RNF123: variants seen among roughly 807,000 people sequenced by gnomAD.
RNF123 encodes E3 ubiquitin-protein ligase RNF123.
A neutral mutation model predicts 168.5 loss-of-function variants in RNF123; 86 were observed. The ratio of observed to expected loss-of-function variants is 0.51; its 90% CI spans 0.43 to 0.61. RNF123 has a LOEUF of 0.61. RNF123 is among the 20% of genes least tolerant of loss of function. RNF123 has a pLI of 0.00. For missense variants in RNF123, 1,419 were observed against 1,729.7 expected, an observed-to-expected ratio of 0.82 and a Z score of 3.19; for synonymous variants, 666 against 689.1, an observed-to-expected ratio of 0.97 and a Z score of 0.52.
rs1279347201 is a variant in RNF123 at position 49,702,654 on chromosome 3, C to G, written c.1651C>G (p.Pro551Ala). 1.9e-6 allele frequency: 3 copies of G among 1,614,230 alleles called. No individual in the cohort carries two copies. The highest frequency in any genetic ancestry group is 2.5e-6 in the Non-Finnish European group (3 of 1,180,032). The change falls in exon 20 of 39, where the codon CCT becomes GCT. Residue 551 changes from proline (P) to alanine (A), a missense_variant. Coordinates refer to ENST00000327697, the MANE Select transcript of RNF123 (RefSeq NM_022064.5). ...GRGNMPMLCPPEYMVCFLHRL... is the reference protein window; with the variant it reads ...GRGNMPMLCPAEYMVCFLHRL... ...ACAGAACATGCCCATGCTCTGCCCC[C>G]CTGAGTACATGGTCTGCTTCTTACA...
In RNF123 at chr3:49,701,889, C is replaced by T. The variant is rs199544911; in HGVS notation, c.1474C>T (p.Arg492Trp). The change falls in exon 17 of 39, where the codon CGG becomes TGG. Residue 492 changes from arginine to tryptophan, a missense_variant. By Grantham distance (101) the Arg-to-Trp change is moderately radical (BLOSUM62 -3). This residue lies in a region of RNF123 where 349 missense variants were observed against 344.9 expected (regional missense o/e 1.01). Coordinates refer to ENST00000327697, the MANE Select transcript of RNF123 (RefSeq NM_022064.5). ...RRRAYERGCQRLRKRIEVVEE... is the reference protein window; with the variant it reads ...RRRAYERGCQWLRKRIEVVEE... ...GCGAGCCTACGAACGGGGCTGTCAGCGGCTCAGGAAGCGCATCGAAGGTCA... is the reference window on the plus strand; with the variant it reads ...GCGAGCCTACGAACGGGGCTGTCAGTGGCTCAGGAAGCGCATCGAAGGTCA... 53 of 1,563,350 alleles carry T rather than the reference C, an allele frequency of 3.4e-5. 1 individual carries two copies. In the South Asian group the frequency reaches 4.4e-4, roughly 13 times the overall value.
chr3:49,701,877 C>G lies in RNF123; in HGVS notation c.1462C>G (p.Arg488Gly), dbSNP rs780072848. ...GCGGCTGCGGCGGCGAGCCTACGAACGGGGCTGTCAGCGGCTCAGGAAGCG... is the reference window on the plus strand; with the variant it reads ...GCGGCTGCGGCGGCGAGCCTACGAAGGGGGCTGTCAGCGGCTCAGGAAGCG... ...EERLRRRAYE[R>G]GCQRLRKRIE... Residue 488 changes from arginine (R) to glycine (G), a missense_variant, in exon 17 of 39, where the codon CGG becomes GGG. Transcript: ENST00000327697. 32 of 1,566,542 alleles carry G rather than the reference C, an allele frequency of 2.0e-5. No individual in the cohort carries two copies. Among genetic ancestry groups the G allele is most frequent in the African/African-American group, 2.7e-5 (2 of 74,484 alleles).
intron 26 of RNF123, among the ~76,000 whole-genome samples, chr3:49,707,285 C>T (rs2054538213): frequency 6.6e-6 from 1 of 152,064 alleles, no homozygotes; most frequent in Non-Finnish European, 1.5e-5. Context: ...CATTACCACC[C>T]GAGGCCACTG....
Position 49,699,053 on chromosome 3 carries a change from A to G in RNF123, c.712A>G (p.Ser238Gly), listed in dbSNP as rs1253384722. 1 of 1,613,932 alleles carries G rather than the reference A, an allele frequency of 6.2e-7. No homozygotes were observed. The highest frequency in any genetic ancestry group is 8.5e-7 in the Non-Finnish European group (1 of 1,180,032). Residue 238 changes from serine (S) to glycine (G), a missense_variant, in exon 10 of 39, where the codon AGC (serine) becomes GGC (glycine). Physicochemically the swap from Ser to Gly is moderately conservative, Grantham distance 56 (BLOSUM62 0). Transcript: ENST00000327697. This position sits in a 1 kb window ranked among gnomAD's most constrained non-coding sequence, Gnocchi z 4.8. Reference sequence around the variant, plus strand: ...GGGTATGGCCTACTTCCCAGCCATCAGCCTCTCTTTCAAGGAGTCCGTGGC... The same window carrying G: ...GGGTATGGCCTACTTCCCAGCCATCGGCCTCTCTTTCAAGGAGTCCGTGGC... ...GLGMAYFPAI[S>G]LSFKESVAFN...
chr3:49,707,843 C>T (rs941840769), intron 26 of RNF123, among the ~76,000 whole-genome samples: 1 of 152,104 alleles, frequency 6.6e-6, no homozygotes, highest in Non-Finnish European at 1.5e-5. Flanking sequence ...TCCTGCCTGC[C>T]CACCTCCCTC....
chr3:49,702,272 G>A, intron 18 of RNF123, 62 bp from the exon 19 acceptor site: 1 of 1,600,822 alleles, frequency 6.2e-7, no homozygotes, highest in Non-Finnish European at 8.6e-7. Flanking sequence ...GCAGCACTGA[G>A]CCAGCCCAGT....
intron 35 of RNF123, chr3:49,719,767 G>A: frequency 2.9e-6 from 1 of 348,012 alleles, no homozygotes; most frequent in Non-Finnish European, 5.5e-6. Flanking sequence ...GAGGAGGCGG[G>A]GCGGCTACAT....
At position 49,697,137 on chromosome 3, in the gene RNF123, C is replaced by T. The variant is rs2054284665; in HGVS notation, c.168-6C>T. 2 of 1,613,226 alleles carry T rather than the reference C, an allele frequency of 1.2e-6. No individual in the cohort carries two copies. Among genetic ancestry groups the T allele is most frequent in the Non-Finnish European group, 8.5e-7 (1 of 1,179,330 alleles). On this transcript the variant is annotated splice_polypyrimidine_tract_variant and splice_region_variant and intron_variant, in intron 3 of 38. Coordinates refer to ENST00000327697, the MANE Select transcript of RNF123 (RefSeq NM_022064.5). ...TGGACCCCTGGCAGCCTCTCACTCT[C>T]CCCAGGAAACCCCTGAACTTCCAGA...
At chr3:49,697,338 C>T in intron 4 of RNF123, 25 bp from the exon 5 acceptor site, 2 of 1,604,112 alleles carry the variant, frequency 1.2e-6, no homozygotes, top group Non-Finnish European at 8.5e-7. Context: ...TCCACCCTGC[C>T]TGACCCCACC....
At chr3:49,696,396 T>C (rs1369823244) in intron 3 of RNF123, among the ~76,000 whole-genome samples, 1 of 150,892 alleles carries the variant, frequency 6.6e-6, no homozygotes, top group East Asian at 2.0e-4. Flanking sequence ...TCACCCAGAC[T>C]AGAGTGCAGT....
At chr3:49,705,763 G>T (rs780780910) in intron 24 of RNF123, 84 bp downstream of exon 24, 6 of 1,579,424 alleles carry the variant, frequency 3.8e-6, no homozygotes, top group Non-Finnish European at 5.2e-6. Flanking sequence ...ACATGGGCCC[G>T]CAGGGCTGCC....
At chr3:49,698,651 C>G in intron 8 of RNF123, 104 bp from the exon 9 acceptor site, 7 of 1,538,696 alleles carry the variant, frequency 4.5e-6, no homozygotes, top group Non-Finnish European at 6.3e-6. Context: ...GTCCTTTGTC[C>G]TTGTGGCTAG....
At chr3:49,693,810 AGAT>A (rs1236914438) in intron 3 of RNF123, among the ~76,000 whole-genome samples, 1 of 152,194 alleles carries the variant, frequency 6.6e-6, no homozygotes, top group African/African-American at 2.4e-5. Flanking sequence ...AGCTGGTGTG[AGAT>A]GATATCTCGT....
intron 15 of RNF123, among the ~76,000 whole-genome samples, chr3:49,701,204 G>C (rs1355318063): frequency 6.6e-6 from 1 of 152,216 alleles, no homozygotes; most frequent in African/African-American, 2.4e-5. Flanking sequence ...TCAGAGTTGG[G>C]GCCTGAGAAA....
In RNF123 at chr3:49,699,570, G is replaced by C. The variant is rs1371584442; in HGVS notation, c.867G>C (p.Glu289Asp). Residue 289 changes from glutamate (E) to aspartate (D), a missense_variant, in exon 11 of 39, where the codon GAG becomes GAC. Around this residue, in one of 5 missense-constraint regions of RNF123, gnomAD observed 318 missense variants for 446.6 expected, o/e 0.71. Coordinates refer to ENST00000327697, the MANE Select transcript of RNF123 (RefSeq NM_022064.5). The surrounding 1 kb of genome is among the most constrained non-coding windows in gnomAD (Gnocchi z 4.8). ...GCTTCCGGGCAGTGCTGAGTGTGGAGCTGGACCCTGTGGTGAGCTGGGGTC... is the reference window on the plus strand; with the variant it reads ...GCTTCCGGGCAGTGCTGAGTGTGGACCTGGACCCTGTGGTGAGCTGGGGTC... ...LGCFRAVLSVELDPVEGRLLD... is the reference protein window; with the variant it reads ...LGCFRAVLSVDLDPVEGRLLD... 2 of 1,613,304 alleles carry C rather than the reference G, an allele frequency of 1.2e-6. No individual in the cohort carries two copies. Among genetic ancestry groups the C allele is most frequent in the African/African-American group, 2.7e-5 (2 of 74,838 alleles).
chr3:49,716,763 G>C (rs1489121866), intron 35 of RNF123: 1 of 418,144 alleles, frequency 2.4e-6, no homozygotes, highest in East Asian at 4.3e-5. Flanking sequence ...GGACTCCGGA[G>C]GGTGTGCCGT....
intron 35 of RNF123, 40 bp from the exon 36 acceptor site, chr3:49,720,471 C>T: frequency 6.6e-7 from 1 of 1,512,890 alleles, no homozygotes; most frequent in South Asian, 1.3e-5. Flanking sequence ...TTAGCCAGGC[C>T]CCAAGCCTTC....
At chr3:49,717,659 C>T (rs2080274416) in intron 35 of RNF123, 1 of 512,868 alleles carries the variant, frequency 1.9e-6, no homozygotes, top group Non-Finnish European at 3.5e-6. Flanking sequence ...GTCTCTCAGC[C>T]TCACAGGGCA....
intron 35 of RNF123, chr3:49,717,667 G>A: frequency 1.9e-6 from 1 of 528,784 alleles, no homozygotes; most frequent in Non-Finnish European, 3.4e-6. Context: ...GCCTCACAGG[G>A]CATTTGGGCA....
Sources: allele counts gnomAD v4.1 joint callset (sites outside exome capture counted in the v4.1 genomes callset), GRCh38; gene constraint gnomAD v4.1.1; regional missense constraint gnomAD v4.1.1; non-coding constraint Gnocchi (gnomAD v3.1); transcripts MANE v1.5; gene names NCBI Gene and HGNC (gene_info 2026-07-23, HGNC 2026-07-21).